GRIN2B: variants seen among roughly 807,000 people sequenced by gnomAD.
The protein encoded by GRIN2B is glutamate ionotropic receptor NMDA type subunit 2B.
In GRIN2B, 5 loss-of-function variants were observed where a neutral mutation model predicts 114.5. The ratio of observed to expected loss-of-function variants is 0.04; its 90% CI spans 0.02 to 0.09. The LOEUF is 0.09. Ranked by LOEUF, GRIN2B falls within the 10% of genes least tolerant of loss-of-function variation. The pLI is 1.00. For missense variants in GRIN2B, 1,108 were observed against 1,943.5 expected, an observed-to-expected ratio of 0.57 and a Z score of 8.08; for synonymous variants, 787 against 745.1, an observed-to-expected ratio of 1.06 and a Z score of -0.92.
In GRIN2B at chr12:13,640,381, C is replaced by G. The variant is rs528611957; in HGVS notation, c.1126-23724G>C. 2.6e-5 allele frequency among the ~76,000 whole-genome samples: 4 copies of G among 152,264 alleles called. No individual in the cohort carries two copies. In the East Asian group the frequency reaches 7.7e-4, roughly 29 times the overall value. ...AAGTAGGACGTTCATAAGTGATAGT[C>G]AAAACCCCTGCTTCCATACTGCCCC... On this transcript the variant is annotated intron_variant, in intron 5 of 13. Coordinates refer to ENST00000609686, the MANE Select transcript of GRIN2B (RefSeq NM_000834.5).
At chr12:13,898,843 G>A (rs571026340) in intron 2 of GRIN2B, among the ~76,000 whole-genome samples, 32 of 152,310 alleles carry the variant, frequency 2.1e-4, no homozygotes, top group Non-Finnish European at 2.6e-4. Context: ...CCCAGGAGGC[G>A]GAGGTTGCAG....
intron 4 of GRIN2B, among the ~76,000 whole-genome samples, chr12:13,718,637 C>T (rs1950480271): frequency 6.6e-6 from 1 of 151,990 alleles, no homozygotes; most frequent in East Asian, 1.9e-4. Context: ...TATAATGTTG[C>T]CTTGCACAGC....
intron 4 of GRIN2B, among the ~76,000 whole-genome samples, chr12:13,707,904 G>A (rs1365879162): frequency 6.6e-6 from 1 of 152,134 alleles, no homozygotes; most frequent in African/African-American, 2.4e-5. Context: ...TGGTGAGAGA[G>A]ACAGGCACAG....
intron 2 of GRIN2B, among the ~76,000 whole-genome samples, chr12:13,885,933 G>A (rs544836174): frequency 6.6e-6 from 1 of 152,290 alleles, no homozygotes; most frequent in South Asian, 2.1e-4. Flanking sequence ...ATTTAGGCCT[G>A]ATCCCAGGCC....
At chr12:13,791,416 C>T (rs1384130008) in intron 3 of GRIN2B, among the ~76,000 whole-genome samples, 1 of 149,606 alleles carries the variant, frequency 6.7e-6, no homozygotes, top group Non-Finnish European at 1.5e-5. Context: ...TGCGCCACTG[C>T]ACTCCAGCCT....
intron 2 of GRIN2B, among the ~76,000 whole-genome samples, chr12:13,965,395 C>T (rs1867773078): frequency 6.6e-6 from 1 of 152,290 alleles, no homozygotes; most frequent in African/African-American, 2.4e-5. Context: ...AAATGGCAGC[C>T]TTTGGCCCTG....
chr12:13,737,563 C>G (rs569352014), intron 4 of GRIN2B, among the ~76,000 whole-genome samples: 1 of 152,148 alleles, frequency 6.6e-6, no homozygotes, highest in Non-Finnish European at 1.5e-5. Flanking sequence ...CGAACAGGCA[C>G]TCTAGATTGA....
chr12:13,668,439 G>C (rs986088401), intron 5 of GRIN2B, among the ~76,000 whole-genome samples: 2 of 152,130 alleles, frequency 1.3e-5, no homozygotes, highest in Non-Finnish European at 2.9e-5. Flanking sequence ...GCAGTGTTGA[G>C]ACTTTAGGGA....
intron 10 of GRIN2B, among the ~76,000 whole-genome samples, chr12:13,604,808 T>C (rs1314058534): frequency 1.3e-5 from 2 of 152,232 alleles, no homozygotes; most frequent in Non-Finnish European, 2.9e-5. Context: ...TAACTGTCCA[T>C]GACACTGATA....
chr12:13,774,095 G>T (rs1863957299), intron 3 of GRIN2B, among the ~76,000 whole-genome samples: 1 of 152,168 alleles, frequency 6.6e-6, no homozygotes, highest in Non-Finnish European at 1.5e-5. Flanking sequence ...GAAAAATCTG[G>T]TGTGGATACT....
intron 3 of GRIN2B, among the ~76,000 whole-genome samples, chr12:13,806,729 T>A (rs1440831191): frequency 6.6e-6 from 1 of 152,138 alleles, no homozygotes; most frequent in Non-Finnish European, 1.5e-5. Context: ...TTTGATGCAA[T>A]CCCATTTGTC....
At chr12:13,575,673 C>CAACAATAAT (rs113820666) in intron 10 of GRIN2B, among the ~76,000 whole-genome samples, 3 of 147,640 alleles carry the variant, frequency 2.0e-5, no homozygotes, top group African/African-American at 7.6e-5. Flanking sequence ...ATGATAACAA[C>CAACAATAAT]AATAATAATA....
chr12:13,607,409 A>ATATATATT (rs1949292483), intron 10 of GRIN2B, among the ~76,000 whole-genome samples: 4 of 59,524 alleles, frequency 6.7e-5, no homozygotes, highest in African/African-American at 3.5e-4. Context: ...TAATATATAA[A>ATATATATT]ATATATAATA....
chr12:13,631,248 G>A lies in GRIN2B; in HGVS notation c.1126-14591C>T, dbSNP rs11055555. 5.6e-3 allele frequency among the ~76,000 whole-genome samples: 859 copies of A among 152,264 alleles called. 6 individuals are homozygous for A. The highest frequency in any genetic ancestry group is 0.02 in the African/African-American group (818 of 41,532). ...CTAGTCTCACATCCTCCACTGAAGGGCAGGCGGATATCTGGTCTCAAAGCA... is the reference window on the plus strand; with the variant it reads ...CTAGTCTCACATCCTCCACTGAAGGACAGGCGGATATCTGGTCTCAAAGCA... On this transcript the variant is annotated intron_variant, in intron 5 of 13. Transcript: ENST00000609686.
intron 2 of GRIN2B, among the ~76,000 whole-genome samples, chr12:13,957,197 G>C (rs1005377281): frequency 2.6e-5 from 4 of 152,126 alleles, no homozygotes; most frequent in Admixed American, 6.5e-5. Flanking sequence ...CACTGGACTC[G>C]GCTCAGCTGC....
At chr12:13,830,148 G>A (rs142783492) in intron 3 of GRIN2B, among the ~76,000 whole-genome samples, 199 of 152,334 alleles carry the variant, frequency 1.3e-3, no homozygotes, top group Non-Finnish European at 3.4e-4. Context: ...AAAGAAGGAT[G>A]TATCTAAGGT....
chr12:13,582,260 A>ATT (rs1329274696), intron 10 of GRIN2B, among the ~76,000 whole-genome samples: 2 of 152,208 alleles, frequency 1.3e-5, no homozygotes, highest in African/African-American at 4.8e-5. Context: ...TTATTGTTAT[A>ATT]TTTCATTATA....
intron 10 of GRIN2B, among the ~76,000 whole-genome samples, chr12:13,601,318 C>T (rs1244798881): frequency 6.6e-6 from 1 of 152,162 alleles, no homozygotes; most frequent in South Asian, 2.1e-4. Context: ...CTGGTGGCTC[C>T]ATGTCTTCCT....
chr12:13,635,217 C>T (rs1197701031), intron 5 of GRIN2B, among the ~76,000 whole-genome samples: 1 of 152,130 alleles, frequency 6.6e-6, no homozygotes, highest in East Asian at 1.9e-4. Context: ...GAAACGTAGA[C>T]TGTGGAGGAA....
Sources: gnomAD v4.1 joint callset for allele counts (sites outside exome capture counted in the v4.1 genomes callset) on GRCh38, gnomAD v4.1.1 for gene constraint, MANE v1.5 for transcripts, NCBI Gene and HGNC (gene_info 2026-07-23, HGNC 2026-07-21) for gene names.